Variants in TMEM243 observed in about 807,000 individuals in gnomAD.
TMEM243 encodes transmembrane protein 243, also known as MDR1 and mitochondrial taxol resistance associated.
Under a neutral mutation model 15.0 loss-of-function variants are expected in TMEM243, and 20 were observed. The ratio of observed to expected loss-of-function variants is 1.33; its 90% confidence interval spans 0.94 to 1.93. TMEM243 has a LOEUF of 1.93. Ranked by LOEUF, TMEM243 falls within the 30% of genes most tolerant of loss-of-function variation. TMEM243 has a pLI of 0.00. For synonymous variants in TMEM243, 72 were observed against 52.7 expected, an observed-to-expected ratio of 1.37 and a Z score of -1.59; for missense variants, 156 against 142.1, an observed-to-expected ratio of 1.10 and a Z score of -0.50.
intron 1 of TMEM243, among the ~76,000 whole-genome samples, chr7:87,204,494 T>C (rs1802059075): frequency 6.6e-6 from 1 of 152,132 alleles, no homozygotes; most frequent in African/African-American, 2.4e-5. Flanking sequence ...ACTTCCTAGA[T>C]AAAATGGGGG....
chr7:87,214,620 A>G (rs1297305851), intron 1 of TMEM243, among the ~76,000 whole-genome samples: 1 of 152,212 alleles, frequency 6.6e-6, no homozygotes, highest in Non-Finnish European at 1.5e-5. Flanking sequence ...CACAATGAAA[A>G]TTGGCATATT....
rs900506632 is a variant in TMEM243 at position 87,217,052 on chromosome 7, T to C, written c.78+2374A>G. On this transcript the variant is annotated intron_variant, in intron 1 of 3. Coordinates refer to ENST00000257637, the MANE Select transcript of TMEM243 (RefSeq NM_024315.4). ...GCCTGGCACTGAGGAAACACAAACATACTCTAGACTCTTCTCTGCTCTTTG... is the reference window on the plus strand; with the variant it reads ...GCCTGGCACTGAGGAAACACAAACACACTCTAGACTCTTCTCTGCTCTTTG... 8 of 152,210 alleles carry C rather than the reference T, an allele frequency of 5.3e-5. No homozygotes were observed. In the South Asian group the frequency reaches 1.7e-3, roughly 32 times the overall value. The allele number at this position is 152,210 out of a possible 1,614,324, so 9.4% of individuals were successfully genotyped here.
At position 87,196,677 on chromosome 7, in the gene TMEM243, A is replaced by G. The variant is rs745490758; in HGVS notation, c.316T>C (p.Cys106Arg). The G allele has an allele frequency of 9.3e-6, 15 of 1,610,424 alleles. No homozygotes were observed. Among genetic ancestry groups the G allele is most frequent in the Non-Finnish European group, 8.5e-7 (1 of 1,178,284 alleles). Residue 106 changes from cysteine (C) to arginine (R), a missense_variant, in exon 4 of 4, where the codon TGT (cysteine) becomes CGT (arginine). Physicochemically the swap from Cys to Arg is radical, Grantham distance 180. Coordinates refer to ENST00000257637, the MANE Select transcript of TMEM243 (RefSeq NM_024315.4). ...YYIIFSIIML[C>R]ICANLYFHDV... ...TGGAAGTACAGGTTTGCACATATAC[A>G]CAACATGATGATAGAAAATATGATA...
intron 1 of TMEM243, among the ~76,000 whole-genome samples, chr7:87,209,361 AAGAG>A (rs1485972639): frequency 1.3e-5 from 2 of 151,886 alleles, no homozygotes; most frequent in Non-Finnish European, 2.9e-5. Flanking sequence ...AGGGGGGAAG[AAGAG>A]GGGAAGAGAG....
intron 1 of TMEM243, among the ~76,000 whole-genome samples, chr7:87,205,050 C>A (rs1049792054): frequency 6.6e-6 from 1 of 152,210 alleles, no homozygotes; most frequent in African/African-American, 2.4e-5. Flanking sequence ...TAGAAGTTGC[C>A]ATGTGCAGCT....
intron 3 of TMEM243, among the ~76,000 whole-genome samples, chr7:87,197,109 G>A (rs1450958848): frequency 1.3e-5 from 2 of 152,058 alleles, no homozygotes; most frequent in Admixed American, 6.6e-5. Flanking sequence ...GGTTCAGACC[G>A]TAAAATAGGG....
chr7:87,218,386 T>TAA (rs757266764), intron 1 of TMEM243, among the ~76,000 whole-genome samples: 2 of 152,200 alleles, frequency 1.3e-5, no homozygotes, highest in Non-Finnish European at 2.9e-5. Flanking sequence ...ACGTGGAGTT[T>TAA]AAAAAATAAA....
chr7:87,206,368 T>C (rs1255710958), intron 1 of TMEM243, among the ~76,000 whole-genome samples: 5 of 152,190 alleles, frequency 3.3e-5, no homozygotes, highest in African/African-American at 4.8e-5. Context: ...TGCTCAGTCT[T>C]TACACTTAAC....
chr7:87,209,582 GAGAC>G (rs1412037774), intron 1 of TMEM243, among the ~76,000 whole-genome samples: 2 of 150,608 alleles, frequency 1.3e-5, no homozygotes, highest in East Asian at 2.0e-4. Flanking sequence ...GACAGTGAGA[GAGAC>G]AGTGAGACAG....
chr7:87,197,875 A>AT (rs1177970132), intron 3 of TMEM243, 66 bp downstream of exon 3: 2 of 1,609,226 alleles, frequency 1.2e-6, no homozygotes. Context: ...AAGGCTGAAA[A>AT]TTTTTGTCCT....
intron 3 of TMEM243, among the ~76,000 whole-genome samples, chr7:87,197,325 T>TTTTTC (rs1801376975): frequency 3.3e-5 from 5 of 152,120 alleles, no homozygotes; most frequent in Admixed American, 3.3e-4. Context: ...TTACTATTGT[T>TTTTTC]TTTTCTTTTG....
At chr7:87,200,268 A>T (rs1801687225) in intron 1 of TMEM243, among the ~76,000 whole-genome samples, 1 of 151,990 alleles carries the variant, frequency 6.6e-6, no homozygotes, top group Admixed American at 6.6e-5. Flanking sequence ...CCACACCCTA[A>T]CTCCAGAGGA....
At chr7:87,215,830 C>T (rs1050631951) in intron 1 of TMEM243, among the ~76,000 whole-genome samples, 2 of 152,130 alleles carry the variant, frequency 1.3e-5, no homozygotes, top group African/African-American at 2.4e-5. Flanking sequence ...GAACACCTTT[C>T]GTTTTTTGTC....
rs753714242 is a variant in TMEM243 at position 87,202,583 on chromosome 7, C to T, written c.79-3526G>A. The stretch of plus-strand genomic sequence containing the variant: ...AGTAAGGAGTGTTATCTCTATTTAC[C>T]AATGGGTAACTAGGTTCCAGAAGAC... On this transcript the variant is annotated intron_variant, in intron 1 of 3. Transcript: ENST00000257637. Among the ~76,000 whole-genome samples the T allele has an allele frequency of 4.3e-4, 66 of 152,104 alleles. 2 individuals are homozygous for T. The highest frequency in any genetic ancestry group is 5.9e-5 in the Non-Finnish European group (4 of 68,022).
intron 1 of TMEM243, among the ~76,000 whole-genome samples, chr7:87,201,756 A>ATTT (rs1364227592): frequency 6.6e-6 from 1 of 152,158 alleles, no homozygotes; most frequent in Non-Finnish European, 1.5e-5. Context: ...TATTAACTCA[A>ATTT]TTATTTCTCA....
intron 3 of TMEM243, chr7:87,197,669 C>CAGGT: frequency 8.0e-7 from 1 of 1,257,324 alleles, no homozygotes; most frequent in Non-Finnish European, 1.0e-6. Context: ...AATCTTTGGC[C>CAGGT]ACCTACGTCT....
intron 1 of TMEM243, among the ~76,000 whole-genome samples, chr7:87,217,434 C>G (rs1327507043): frequency 6.6e-5 from 10 of 152,180 alleles, no homozygotes; most frequent in Non-Finnish European, 1.5e-4. Context: ...TATTGAGGCT[C>G]CATTCCTGGG....
At chr7:87,216,739 C>T (rs1803147543) in intron 1 of TMEM243, 1 of 152,198 alleles carries the variant, frequency 6.6e-6, no homozygotes, top group Non-Finnish European at 1.5e-5. Context: ...CCCTCACTCA[C>T]CTCACGACTT....
At chr7:87,201,030 G>C (rs1801767309) in intron 1 of TMEM243, among the ~76,000 whole-genome samples, 1 of 152,254 alleles carries the variant, frequency 6.6e-6, no homozygotes, top group Non-Finnish European at 1.5e-5. Context: ...AAACTTTAAT[G>C]AATACTTTCC....
Sources: gnomAD v4.1 joint callset for allele counts (sites outside exome capture counted in the v4.1 genomes callset) on GRCh38, gnomAD v4.1.1 for gene constraint, MANE v1.5 for transcripts, NCBI Gene and HGNC (gene_info 2026-07-23, HGNC 2026-07-21) for gene names.